Variants in GCC2 observed in about 807,000 individuals in gnomAD.
GCC2 encodes the protein GRIP and coiled-coil domain-containing protein 2.
GCC2 carries 120 observed loss-of-function variants against 210.6 expected under a neutral mutation model. The observed-to-expected ratio is 0.57, with a 90% CI of 0.49 to 0.66. The LOEUF is 0.66. Among genes scored for constraint, GCC2 ranks in the 30% least tolerant of loss-of-function variants. The pLI, the probability that GCC2 is intolerant of heterozygous loss-of-function variation, is 0.00. For synonymous variants in GCC2, 703 were observed against 652.7 expected (o/e 1.08, Z -1.17); for missense variants, 1,868 against 1,871.9 (o/e 1.00, Z 0.04).
At chr2:108,477,174 A>G (rs1237478637) in intron 9 of GCC2, among the ~76,000 whole-genome samples, 3 of 152,192 alleles carry the variant, frequency 2.0e-5, no homozygotes, top group Non-Finnish European at 4.4e-5. Flanking sequence ...ATGAAAAGAA[A>G]AAAGTGACAT....
At chr2:108,455,936 G>T (rs1385424934) in intron 4 of GCC2, among the ~76,000 whole-genome samples, 1 of 152,102 alleles carries the variant, frequency 6.6e-6, no homozygotes, top group Non-Finnish European at 1.5e-5. Flanking sequence ...CAATATTGGG[G>T]TTTTTGGATT....
chr2:108,486,503 A>T lies in GCC2; in HGVS notation c.3793-8A>T. The T allele has an allele frequency of 6.2e-7, 1 of 1,613,780 alleles. No individual in the cohort carries two copies. Among genetic ancestry groups the T allele is most frequent in the South Asian group, 1.1e-5 (1 of 90,998 alleles). On this transcript the variant is annotated splice_polypyrimidine_tract_variant and splice_region_variant and intron_variant, in intron 15 of 22. Coordinates refer to ENST00000309863, the MANE Select transcript of GCC2 (RefSeq NM_181453.4). The stretch of plus-strand genomic sequence containing the variant: ...TTGCTAAAGCTAAATTTAAAGATTT[A>T]CCCCCAGATACAGCTGGCTGAAATA...
At position 108,483,221 on chromosome 2, in the gene GCC2, G is replaced by C. The variant is rs1400867095; in HGVS notation, c.3450+55G>C. The C allele has an allele frequency of 4.4e-6, 4 of 916,822 alleles. No individual in the cohort carries two copies. The East Asian group carries it at 1.0e-4, about 24-fold the overall frequency. The allele number at this position is 916,822 out of a possible 1,614,324, so 56.8% of individuals were successfully genotyped here. A position where few individuals can be genotyped will look rare whatever the true frequency, so the allele number is the denominator to read the frequency against. ...TGTAATATTCACATTGTTCTGTTTT[G>C]TTGTTCTGTTTGTTCTGTTCTCTCT... On this transcript the variant is annotated intron_variant, in intron 12 of 22. Coordinates refer to ENST00000309863, the MANE Select transcript of GCC2 (RefSeq NM_181453.4).
At chr2:108,485,999 T>C in intron 15 of GCC2, 91 bp downstream of exon 15, 1 of 608,688 alleles carries the variant, frequency 1.6e-6, no homozygotes, top group East Asian at 2.9e-5. Flanking sequence ...CCTATAACGA[T>C]ATCTAGAAAG....
Position 108,471,107 on chromosome 2 carries a change from C to T in GCC2, c.1778C>T (p.Thr593Ile), listed in dbSNP as rs61733788. 7.0e-6 allele frequency: 11 copies of T among 1,581,794 alleles called. No individual in the cohort carries two copies. The highest frequency in any genetic ancestry group is 9.5e-6 in the Non-Finnish European group (11 of 1,154,806). Residue 593 changes from threonine to isoleucine, a missense_variant, in exon 6 of 23, where the codon ACT (threonine) becomes ATT (isoleucine). By Grantham distance (89) the Thr-to-Ile change is moderately conservative. Around this residue, in one of 3 missense-constraint regions of GCC2, gnomAD observed 1,847 missense variants for 1,765.2 expected, o/e 1.05. Transcript: ENST00000309863. ...KELEGKINSL[T>I]EEKDDFINKL... The stretch of plus-strand genomic sequence containing the variant: ...TTAGAAGGAAAGATAAATTCTCTTA[C>T]TGAGGAAAAAGATGATTTTATAAAT...
At chr2:108,503,899 A>G (rs1201126708) in intron 22 of GCC2, among the ~76,000 whole-genome samples, 1 of 152,192 alleles carries the variant, frequency 6.6e-6, no homozygotes, top group African/African-American at 2.4e-5. Context: ...GCTTGAGAAC[A>G]GGAGTTCAGA....
chr2:108,464,821 G>A (rs1044029669), intron 4 of GCC2, among the ~76,000 whole-genome samples: 3 of 152,132 alleles, frequency 2.0e-5, no homozygotes, highest in South Asian at 2.1e-4. Flanking sequence ...GGTTTAATTC[G>A]TTCATCGTTC....
intron 5 of GCC2, 159 bp downstream of exon 5, chr2:108,469,243 C>T: frequency 2.0e-6 from 1 of 502,076 alleles, no homozygotes; most frequent in Non-Finnish European, 3.6e-6. Context: ...AACTGAATCA[C>T]CTAACTATAC....
intron 22 of GCC2, among the ~76,000 whole-genome samples, chr2:108,504,138 A>C (rs1440971480): frequency 6.6e-6 from 1 of 152,318 alleles, no homozygotes; most frequent in Admixed American, 6.5e-5. Flanking sequence ...AAAATTAAGA[A>C]ATAAAAATAA....
At chr2:108,502,569 C>A (rs545044508) in intron 22 of GCC2, among the ~76,000 whole-genome samples, 1 of 152,134 alleles carries the variant, frequency 6.6e-6, no homozygotes, top group East Asian at 1.9e-4. Context: ...TAAAAGAGAC[C>A]TTATTACAAT....
rs1681225502 is a variant in GCC2 at position 108,471,629 on chromosome 2, G to T, written c.2300G>T (p.Gly767Val). 2 of 1,613,346 alleles carry T rather than the reference G, an allele frequency of 1.2e-6. No individual in the cohort carries two copies. The highest frequency in any genetic ancestry group is 1.1e-5 in the South Asian group (1 of 91,052). The change falls in exon 6 of 23, where the codon GGA (glycine) becomes GTA (valine). Residue 767 changes from glycine to valine, a missense_variant. Physicochemically the swap from Gly to Val is moderately radical, Grantham distance 109. Around this residue, in one of 3 missense-constraint regions of GCC2, gnomAD observed 1,847 missense variants for 1,765.2 expected, o/e 1.05. Coordinates refer to ENST00000309863, the MANE Select transcript of GCC2 (RefSeq NM_181453.4). The part of the protein sequence containing the change: ...TQLYGFLKEM[G>V]SEVSEDSEEK... ...TTGTATGGTTTTCTTAAAGAAATGG[G>T]ATCAGAAGTTTCAGAAGACAGTGAA...
intron 4 of GCC2, among the ~76,000 whole-genome samples, chr2:108,457,117 TATATA>T (rs528218104): frequency 3.0e-4 from 42 of 141,662 alleles, no homozygotes; most frequent in African/African-American, 6.4e-4. Flanking sequence ...TTTTGGGTCT[TATATA>T]ATATAAGTCT....
chr2:108,451,261 T>G (rs1238465839), intron 3 of GCC2, 149 bp downstream of exon 3: 1 of 521,564 alleles, frequency 1.9e-6, no homozygotes, highest in African/African-American at 2.0e-5. Flanking sequence ...TATTTAACAT[T>G]CTAAAAATTT....
rs1297922376 is a variant in GCC2, at chr2:108,481,793, CAATT to C, written c.3160_3163del (p.Leu1054GlufsTer10). On this transcript the variant is annotated frameshift_variant, in exon 10 of 23. Coordinates refer to ENST00000309863, the MANE Select transcript of GCC2 (RefSeq NM_181453.4). LOFTEE classifies it high-confidence loss of function. The stretch of plus-strand genomic sequence containing the variant: ...GCATCGTATTGAAGACCTTACAAGA[CAATT>C]AAGAAATTCGACTTTGCAGGTAATT... The C allele has an allele frequency of 3.8e-6, 6 of 1,571,286 alleles. No individual in the cohort carries two copies. The highest frequency in any genetic ancestry group is 5.2e-6 in the Non-Finnish European group (6 of 1,162,592).
At position 108,487,487 on chromosome 2, in the gene GCC2, G is replaced by A. The variant is rs530480848; in HGVS notation, c.3931-212G>A. The stretch of plus-strand genomic sequence containing the variant: ...AATATCACATGCACCCCATAAATAT[G>A]TACAATTATGTATCAATTAAAAAGA... On this transcript the variant is annotated intron_variant, in intron 16 of 22. Transcript: ENST00000309863. Among the ~76,000 whole-genome samples, 11 of 152,242 alleles carry A rather than the reference G, an allele frequency of 7.2e-5. No homozygotes were observed. The South Asian group carries it at 2.3e-3, about 32-fold the overall frequency.
intron 1 of GCC2, 68 bp downstream of exon 1, chr2:108,449,348 G>T (rs1261954027): frequency 2.0e-6 from 3 of 1,525,130 alleles, no homozygotes; most frequent in South Asian, 2.4e-5. Context: ...GTGGGAGTGG[G>T]CCCGATGGGA....
At chr2:108,449,515 C>A (rs1421349113) in intron 1 of GCC2, 118 bp from the exon 2 acceptor site, 1 of 1,255,178 alleles carries the variant, frequency 8.0e-7, no homozygotes, top group Non-Finnish European at 1.1e-6. Flanking sequence ...TTCTCTGTCT[C>A]ACGAGGCTTT....
Position 108,475,748 on chromosome 2 carries a change from A to G in GCC2, c.2962-4A>G. On this transcript the variant is annotated splice_polypyrimidine_tract_variant and splice_region_variant and intron_variant, in intron 8 of 22. Transcript: ENST00000309863. ...CTCTTTAATTTTACTTGTGTTTAAAACAGACCCAGACTGTGAAGGAAGAAC... is the reference window on the plus strand; with the variant it reads ...CTCTTTAATTTTACTTGTGTTTAAAGCAGACCCAGACTGTGAAGGAAGAAC... 6.3e-7 allele frequency: 1 copy of G among 1,589,032 alleles called. No homozygotes were observed. Among genetic ancestry groups the G allele is most frequent in the Non-Finnish European group, 8.6e-7 (1 of 1,165,968 alleles).
In GCC2 at chr2:108,456,776, TC is replaced by T. The variant is rs1210374091; in HGVS notation, c.216+4312del. ...GACCAGCCTGAGAAACATAGCAAGA[TC>T]CGTTTCTACAAAAAAATATAAATTA... On this transcript the variant is annotated intron_variant, in intron 4 of 22. Transcript: ENST00000309863. Among the ~76,000 whole-genome samples, 6 of 151,974 alleles carry T rather than the reference TC, an allele frequency of 3.9e-5. No individual in the cohort carries two copies. In the East Asian group the frequency reaches 1.2e-3, roughly 29 times the overall value.
Sources: gnomAD v4.1 joint callset for allele counts (sites outside exome capture counted in the v4.1 genomes callset) on GRCh38, gnomAD v4.1.1 for gene constraint, gnomAD v4.1.1 regional missense constraint, MANE v1.5 for transcripts, NCBI Gene and HGNC (gene_info 2026-07-23, HGNC 2026-07-21) for gene names.